The following NLN variants were observed in gnomAD, a reference collection of about 807,000 sequenced individuals.
The protein encoded by NLN is neurolysin, also known as neurolysin, mitochondrial.
Under a neutral mutation model 79.9 loss-of-function variants are expected in NLN, and 64 were observed. That is an observed-to-expected ratio of 0.80 (90% CI 0.65 to 0.99). The LOEUF (loss-of-function observed/expected upper bound fraction) is 0.99. Ranked by LOEUF, NLN falls within the 50% of genes least tolerant of loss-of-function variation. NLN has a pLI of 0.00. For missense variants in NLN, 835 were observed against 858.7 expected, an observed-to-expected ratio of 0.97 and a Z score of 0.34; for synonymous variants, 267 against 296.6, an observed-to-expected ratio of 0.90 and a Z score of 1.02.
At chr5:65,785,348 AGCCATACAAC>A (rs1429508940) in intron 6 of NLN, among the ~76,000 whole-genome samples, 1 of 152,220 alleles carries the variant, frequency 6.6e-6, no homozygotes, top group East Asian at 1.9e-4. Flanking sequence ...TAAAAATAGT[AGCCATACAAC>A]TGGGTATGAA....
intron 1 of NLN, among the ~76,000 whole-genome samples, chr5:65,723,614 A>T (rs1462386279): frequency 1.3e-5 from 2 of 151,974 alleles, no homozygotes; most frequent in Non-Finnish European, 2.9e-5. Context: ...GGAGATCGAG[A>T]CCATCCTGGC....
At chr5:65,784,866 T>C (rs1273295824) in intron 6 of NLN, among the ~76,000 whole-genome samples, 2 of 152,208 alleles carry the variant, frequency 1.3e-5, no homozygotes, top group Non-Finnish European at 2.9e-5. Flanking sequence ...ATTACTATTC[T>C]ATTCTGTGTC....
At chr5:65,799,740 A>C (rs1760243327) in intron 9 of NLN, among the ~76,000 whole-genome samples, 1 of 152,216 alleles carries the variant, frequency 6.6e-6, no homozygotes, top group South Asian at 2.1e-4. Context: ...TGGGTCCTTT[A>C]AAGGATGATG....
At chr5:65,748,219 C>T (rs1369303238) in intron 1 of NLN, among the ~76,000 whole-genome samples, 1 of 151,860 alleles carries the variant, frequency 6.6e-6, no homozygotes, top group East Asian at 1.9e-4. Context: ...AAACAAAGTA[C>T]AGCAGTCATC....
At chr5:65,731,540 A>G (rs922222039) in intron 1 of NLN, among the ~76,000 whole-genome samples, 4 of 152,142 alleles carry the variant, frequency 2.6e-5, no homozygotes, top group African/African-American at 7.2e-5. Flanking sequence ...CCCCTCATAG[A>G]TGTTTCAGTT....
intron 9 of NLN, among the ~76,000 whole-genome samples, chr5:65,804,764 C>G (rs922334314): frequency 2.0e-5 from 3 of 152,170 alleles, no homozygotes; most frequent in African/African-American, 7.2e-5. Flanking sequence ...CTCCTGGCCT[C>G]AAATGATCTG....
At chr5:65,804,900 G>A (rs182207864) in intron 9 of NLN, among the ~76,000 whole-genome samples, 3 of 152,274 alleles carry the variant, frequency 2.0e-5, no homozygotes, top group East Asian at 1.9e-4. Context: ...ATGAAATAGA[G>A]ACAGGGTCTT....
intron 9 of NLN, among the ~76,000 whole-genome samples, chr5:65,798,909 C>T (rs920072510): frequency 1.3e-5 from 2 of 152,084 alleles, no homozygotes; most frequent in Admixed American, 1.3e-4. Flanking sequence ...GAGACAGGGT[C>T]TCACTCTGTC....
At chr5:65,726,952 T>A (rs1348033929) in intron 1 of NLN, among the ~76,000 whole-genome samples, 2 of 152,202 alleles carry the variant, frequency 1.3e-5, no homozygotes, top group African/African-American at 2.4e-5. Context: ...CCTAACTGAC[T>A]TACAGTTTCC....
At chr5:65,816,155 C>T (rs925285819) in intron 12 of NLN, among the ~76,000 whole-genome samples, 1 of 151,994 alleles carries the variant, frequency 6.6e-6, no homozygotes, top group Non-Finnish European at 1.5e-5. Context: ...TGCACCATTG[C>T]ACTCCAGCCT....
chr5:65,739,933 C>T (rs1411918067), intron 1 of NLN, among the ~76,000 whole-genome samples: 1 of 151,882 alleles, frequency 6.6e-6, no homozygotes, highest in African/African-American at 2.4e-5. Flanking sequence ...GCAAATATTT[C>T]CTCCCATTCT....
At chr5:65,779,778 G>A (rs1393846113) in intron 4 of NLN, among the ~76,000 whole-genome samples, 8 of 152,138 alleles carry the variant, frequency 5.3e-5, no homozygotes, top group Non-Finnish European at 8.8e-5. Context: ...ACAGATACAC[G>A]TGGACATGAC....
At chr5:65,809,371 T>G in intron 9 of NLN, 144 bp from the exon 10 acceptor site, 1 of 634,406 alleles carries the variant, frequency 1.6e-6, no homozygotes, top group South Asian at 2.2e-5. Context: ...TATTTTCACT[T>G]GACTATGAGG....
rs1351248377 is a variant in NLN, at chr5:65,788,585, C to G, written c.1325+101C>G. 35 of 1,253,630 alleles carry G rather than the reference C, an allele frequency of 2.8e-5. No individual in the cohort carries two copies. The East Asian group carries it at 6.3e-4, about 23-fold the overall frequency. 77.7% of individuals were successfully genotyped at this position (1,253,630 alleles called of 1,614,324 possible). A position where few individuals can be genotyped will look rare whatever the true frequency, so the allele number is the denominator to read the frequency against. ...GCACAGTGGCTCATGCCTGTAATCC[C>G]AACACTTTGGGAGGCCAAGGTGGGA... On this transcript the variant is annotated intron_variant, in intron 8 of 12. Transcript: ENST00000380985.
intron 1 of NLN, among the ~76,000 whole-genome samples, chr5:65,731,879 T>C (rs976284009): frequency 6.7e-6 from 1 of 149,750 alleles, no homozygotes; most frequent in African/African-American, 2.4e-5. Flanking sequence ...GCCTTCCAAG[T>C]AGTTGGGACT....
At chr5:65,756,342 C>CCTTGACTCT (rs1255980647) in intron 1 of NLN, among the ~76,000 whole-genome samples, 3 of 152,112 alleles carry the variant, frequency 2.0e-5, no homozygotes, top group African/African-American at 7.2e-5. Flanking sequence ...GCCTCCTTTC[C>CCTTGACTCT]CTTGACTCTC....
At chr5:65,771,329 C>G (rs973123559) in intron 3 of NLN, among the ~76,000 whole-genome samples, 1 of 151,582 alleles carries the variant, frequency 6.6e-6, no homozygotes, top group Non-Finnish European at 1.5e-5. Context: ...AAAAAGCCAA[C>G]AAACATCCAA....
At chr5:65,759,144 A>T (rs1759285578) in intron 2 of NLN, among the ~76,000 whole-genome samples, 1 of 152,166 alleles carries the variant, frequency 6.6e-6, no homozygotes, top group Non-Finnish European at 1.5e-5. Context: ...TTCATGTATC[A>T]ATTTATGTAT....
chr5:65,806,261 G>A (rs1229934548), intron 9 of NLN, among the ~76,000 whole-genome samples: 3 of 152,110 alleles, frequency 2.0e-5, no homozygotes, highest in Non-Finnish European at 4.4e-5. Flanking sequence ...ATTATTATGA[G>A]AAATACATTT....
Sources: allele counts gnomAD v4.1 joint callset (sites outside exome capture counted in the v4.1 genomes callset), GRCh38; gene constraint gnomAD v4.1.1; transcripts MANE v1.5; gene names NCBI Gene and HGNC (gene_info 2026-07-23, HGNC 2026-07-21).